GABPB1: variants seen among roughly 807,000 people sequenced by gnomAD.
GABPB1 encodes the protein GA-binding protein subunit beta-1.
Under a neutral mutation model 45.9 loss-of-function variants are expected in GABPB1, and 15 were observed. The observed-to-expected ratio is 0.33, with a 90% CI of 0.22 to 0.50. The LOEUF is 0.50. GABPB1 is among the 20% of genes least tolerant of loss of function. The pLI, the probability that GABPB1 is intolerant of heterozygous loss-of-function variation, is 0.98. For missense variants in GABPB1, 252 were observed against 457.5 expected (o/e 0.55, Z 4.10); for synonymous variants, 143 against 154.4 (o/e 0.93, Z 0.55).
chr15:50,303,076 G>C lies in GABPB1; in HGVS notation c.324C>G (p.Leu108=). The C allele has an allele frequency of 6.2e-7, 1 of 1,613,678 alleles. No individual in the cohort carries two copies. The highest frequency in any genetic ancestry group is 8.5e-7 in the Non-Finnish European group (1 of 1,179,942). ...GATGATTGTGTTCTGTGGCCCAATG[G>C]AGAGCTGTCATCTTTAACATGTCCT... The part of the protein sequence containing the change: ...NAKDMLKMTA[L]HWATEHNHQE... The change falls in exon 4 of 9, where the codon CTC becomes CTG. Residue 108 remains leucine, a synonymous_variant. Transcript: ENST00000380877.
chr15:50,287,880 T>A (rs1212364919), intron 7 of GABPB1, among the ~76,000 whole-genome samples: 2 of 152,050 alleles, frequency 1.3e-5, no homozygotes. Context: ...GGTCAAGGGT[T>A]TCCTCTCCTA....
At chr15:50,316,099 T>C (rs1052150675) in intron 1 of GABPB1, among the ~76,000 whole-genome samples, 1 of 152,202 alleles carries the variant, frequency 6.6e-6, no homozygotes, top group African/African-American at 2.4e-5. Flanking sequence ...AGTGCTAGAT[T>C]TTTAAAAAAT....
chr15:50,348,960 A>G, intron 1 of GABPB1: 1 of 152,110 alleles, frequency 6.6e-6, no homozygotes, highest in East Asian at 1.9e-4. Context: ...ATTTTAATTG[A>G]CTTTAATTTA....
chr15:50,342,100 C>T (rs945138151), intron 1 of GABPB1, among the ~76,000 whole-genome samples: 3 of 152,186 alleles, frequency 2.0e-5, no homozygotes, highest in East Asian at 1.9e-4. Flanking sequence ...CTTCCCCTCC[C>T]GAACTTACCT....
intron 1 of GABPB1, chr15:50,351,643 G>C (rs1489727316): frequency 7.7e-6 from 1 of 129,944 alleles, no homozygotes; most frequent in Non-Finnish European, 1.6e-5. Context: ...AGGGACAGAG[G>C]GAGAAGGAGA....
Position 50,355,133 on chromosome 15 carries a change from T to C in GABPB1, c.-149A>G, listed in dbSNP as rs933871058. ...CGCTATTTTCCGAAAATGCCGCGTCTGGTCGGCGCCCAAAATCCCCACCGA... is the reference window on the plus strand; with the variant it reads ...CGCTATTTTCCGAAAATGCCGCGTCCGGTCGGCGCCCAAAATCCCCACCGA... On this transcript the variant is annotated 5_prime_UTR_variant, in exon 1 of 9. Transcript: ENST00000380877. 8 of 153,122 alleles carry C rather than the reference T, an allele frequency of 5.2e-5. No homozygotes were observed. The highest frequency in any genetic ancestry group is 2.4e-5 in the African/African-American group (1 of 41,442). The allele number at this position is 153,122 out of a possible 1,614,324, so 9.5% of individuals were successfully genotyped here.
At chr15:50,337,075 GTATATATATATA>G (rs869106382) in intron 1 of GABPB1, among the ~76,000 whole-genome samples, 15 of 14,194 alleles carry the variant, frequency 1.1e-3, no homozygotes, top group Non-Finnish European at 1.6e-3. Flanking sequence ...ATATGTGTGT[GTATATATATATA>G]TATATATATA....
intron 1 of GABPB1, among the ~76,000 whole-genome samples, chr15:50,325,996 C>G (rs914209505): frequency 2.0e-5 from 3 of 151,912 alleles, no homozygotes; most frequent in Admixed American, 6.6e-5. Flanking sequence ...CAACCTCTGC[C>G]TCCCAGGTTC....
chr15:50,348,387 C>T (rs28408662), intron 1 of GABPB1, among the ~76,000 whole-genome samples: 73,820 of 151,674 alleles, frequency 0.49, 18,963 homozygotes, highest in Middle Eastern at 0.64. Context: ...CCCGAGTAGC[C>T]GAGACACAAG....
chr15:50,292,328 A>G (rs2046377088), intron 6 of GABPB1, among the ~76,000 whole-genome samples: 1 of 151,844 alleles, frequency 6.6e-6, no homozygotes, highest in South Asian at 2.1e-4. Context: ...AAAAAAAAAA[A>G]AAAAAAAAAG....
intron 1 of GABPB1, among the ~76,000 whole-genome samples, chr15:50,313,627 C>G (rs1214369553): frequency 6.6e-6 from 1 of 151,716 alleles, no homozygotes; most frequent in East Asian, 1.9e-4. Context: ...ATTGTAGAAT[C>G]TAAAGGAAAA....
At chr15:50,292,898 G>A (rs192511542) in intron 6 of GABPB1, among the ~76,000 whole-genome samples, 3 of 151,636 alleles carry the variant, frequency 2.0e-5, no homozygotes, top group African/African-American at 7.3e-5. Flanking sequence ...GAGAACATAT[G>A]GGCATGCCAA....
rs1257319123 is a variant in GABPB1 at position 50,300,860 on chromosome 15, G to A, written c.626C>T (p.Thr209Ile). 6.2e-7 allele frequency: 1 copy of A among 1,612,508 alleles called. No individual in the cohort carries two copies. Among genetic ancestry groups the A allele is most frequent in the Non-Finnish European group, 8.5e-7 (1 of 1,178,644 alleles). Residue 209 changes from threonine (T) to isoleucine (I), a missense_variant, in exon 6 of 9, where the codon ACA (threonine) becomes ATA (isoleucine). By Grantham distance (89) the Thr-to-Ile change is moderately conservative. Around this residue, in one of 4 missense-constraint regions of GABPB1, gnomAD observed 193 missense variants for 259.9 expected, o/e 0.74. Transcript: ENST00000380877. ...GGCAGCTAATGTAGCTAATACTGAT[G>A]TAGAAGAGTTTCCAAACTGAACAGC... ...VSAVQFGNSS[T>I]SVLATLAALA...
intron 1 of GABPB1, among the ~76,000 whole-genome samples, chr15:50,340,923 C>CATATGTTTTATTACCATATGTA (rs1567545945): frequency 1.2e-4 from 2 of 16,118 alleles, no homozygotes; most frequent in African/African-American, 1.0e-3. Flanking sequence ...TGTAATATTA[C>CATATGTTTTATTACCATATGTA]ATATTACATA....
intron 6 of GABPB1, among the ~76,000 whole-genome samples, chr15:50,290,643 TC>T (rs1426179062): frequency 1.3e-5 from 2 of 152,052 alleles, no homozygotes; most frequent in Non-Finnish European, 2.9e-5. Context: ...ATGATTATAC[TC>T]CATTTACATT....
chr15:50,354,269 G>A, intron 1 of GABPB1: 1 of 380,912 alleles, frequency 2.6e-6, no homozygotes, highest in Non-Finnish European at 5.2e-6. Context: ...AGTCTTTGGG[G>A]CAGAAGTCCC....
rs1303131856 is a variant in GABPB1, at chr15:50,277,836, T to G, written c.*796A>C. ...CACAGATTTTGCAGAATTGGCAAAT[T>G]CAAGTTATCTTGTAGGCTGCTCCTT... On this transcript the variant is annotated 3_prime_UTR_variant, in exon 9 of 9. Transcript: ENST00000380877. 6.6e-6 allele frequency: 1 copy of G among 152,644 alleles called. No homozygotes were observed. Among genetic ancestry groups the G allele is most frequent in the African/African-American group, 2.4e-5 (1 of 41,458 alleles). 9.5% of individuals were successfully genotyped at this position (152,644 alleles called of 1,614,324 possible).
At chr15:50,307,528 C>T (rs1264462599) in intron 2 of GABPB1, among the ~76,000 whole-genome samples, 1 of 151,952 alleles carries the variant, frequency 6.6e-6, no homozygotes, top group East Asian at 1.9e-4. Flanking sequence ...TATTGAAACC[C>T]CATCTCTACT....
intron 1 of GABPB1, among the ~76,000 whole-genome samples, chr15:50,338,368 T>C (rs1480902656): frequency 1.3e-5 from 2 of 151,686 alleles, no homozygotes; most frequent in Non-Finnish European, 2.9e-5. Flanking sequence ...GCACCCAACA[T>C]GTTATGACTC....
Sources: allele counts gnomAD v4.1 joint callset (sites outside exome capture counted in the v4.1 genomes callset), GRCh38; gene constraint gnomAD v4.1.1; regional missense constraint gnomAD v4.1.1; transcripts MANE v1.5; gene names NCBI Gene and HGNC (gene_info 2026-07-23, HGNC 2026-07-21).